Variants in HIVEP2 observed in about 807,000 individuals in gnomAD.
The protein encoded by HIVEP2 is HIVEP zinc finger 2.
In HIVEP2, 14 loss-of-function variants were observed where a neutral mutation model predicts 180.7. That is an observed-to-expected ratio of 0.08 (90% CI 0.05 to 0.12). HIVEP2 has a LOEUF of 0.12. Ranked by LOEUF, HIVEP2 falls within the 10% of genes least tolerant of loss-of-function variation. The probability of loss-of-function intolerance (pLI) is 1.00; values close to 1 mark genes in which losing one functional copy is unlikely to be tolerated. For missense variants in HIVEP2, 2,579 were observed against 3,008.5 expected (o/e 0.86, Z 3.34); for synonymous variants, 1,184 against 1,136.4 (o/e 1.04, Z -0.84).
chr6:142,770,436 G>A lies in HIVEP2; in HGVS notation c.4303C>T (p.Leu1435=). 6.2e-7 allele frequency: 1 copy of A among 1,614,122 alleles called. No individual in the cohort carries two copies. The highest frequency in any genetic ancestry group is 8.5e-7 in the Non-Finnish European group (1 of 1,180,016). Residue 1435 remains leucine (L), a synonymous_variant, in exon 5 of 10, where the codon CTG becomes TTG. Coordinates refer to ENST00000367603, the MANE Select transcript of HIVEP2 (RefSeq NM_006734.4). This position sits in a 1 kb window ranked among gnomAD's most constrained non-coding sequence, Gnocchi z 4.7. ...LPSTSDSVAT[L]GGSKRMLSPA... Reference sequence around the variant, plus strand: ...GAAAGCATTCGCTTGCTACCTCCCAGGGTGGCCACGCTGTCAGAGGTGGAA... The same window carrying A: ...GAAAGCATTCGCTTGCTACCTCCCAAGGTGGCCACGCTGTCAGAGGTGGAA...
Position 142,753,066 on chromosome 6 carries a change from A to T in HIVEP2, c.*41T>A, listed in dbSNP as rs763153791. On this transcript the variant is annotated 3_prime_UTR_variant, in exon 10 of 10. Transcript: ENST00000367603. ...ATTTCTAGAAAAACAAAAACAAAAAAATGGGAAAATGTGGAAATGAAAGTC... is the reference window on the plus strand; with the variant it reads ...ATTTCTAGAAAAACAAAAACAAAAATATGGGAAAATGTGGAAATGAAAGTC... 51 of 1,285,808 alleles carry T rather than the reference A, an allele frequency of 4.0e-5. No individual in the cohort carries two copies. In the African/African-American group the frequency reaches 7.0e-4, roughly 18 times the overall value. The allele number at this position is 1,285,808 out of a possible 1,614,324, so 79.6% of individuals were successfully genotyped here.
chr6:142,762,538 G>C (rs1192260767), intron 7 of HIVEP2, among the ~76,000 whole-genome samples: 1 of 151,388 alleles, frequency 6.6e-6, no homozygotes, highest in Non-Finnish European at 1.5e-5. Flanking sequence ...AAGAGATTCA[G>C]GAACTAATTC....
chr6:142,778,481 G>A (rs1775761078), intron 3 of HIVEP2, among the ~76,000 whole-genome samples: 1 of 152,136 alleles, frequency 6.6e-6, no homozygotes, highest in South Asian at 2.1e-4. Flanking sequence ...TTAGGACTCA[G>A]AGCTTGAAGT....
At chr6:142,790,170 C>A (rs912621604) in intron 2 of HIVEP2, among the ~76,000 whole-genome samples, 1 of 152,112 alleles carries the variant, frequency 6.6e-6, no homozygotes, top group Non-Finnish European at 1.5e-5. Context: ...TGGAGGCAAG[C>A]CCCTTGTTCA....
intron 1 of HIVEP2, among the ~76,000 whole-genome samples, chr6:142,888,547 C>T (rs1192102848): frequency 6.6e-6 from 1 of 152,148 alleles, no homozygotes; most frequent in Non-Finnish European, 1.5e-5. Context: ...TGGGCTTATG[C>T]TCATTGAAGT....
chr6:142,922,102 T>A (rs1261991771), intron 1 of HIVEP2, among the ~76,000 whole-genome samples: 1 of 152,108 alleles, frequency 6.6e-6, no homozygotes, highest in Non-Finnish European at 1.5e-5. Flanking sequence ...TACATCTCTA[T>A]CCCATTTTTC....
intron 1 of HIVEP2, among the ~76,000 whole-genome samples, chr6:142,915,648 GCCAGCCTT>G (rs1246921746): frequency 6.6e-6 from 1 of 152,034 alleles, no homozygotes; most frequent in Non-Finnish European, 1.5e-5. Flanking sequence ...TGGACCTCTA[GCCAGCCTT>G]TCTTAATCTT....
chr6:142,768,445 T>A lies in HIVEP2; in HGVS notation c.5279A>T (p.His1760Leu), dbSNP rs755301449. 1.2e-6 allele frequency: 2 copies of A among 1,613,298 alleles called. No individual in the cohort carries two copies. Among genetic ancestry groups the A allele is most frequent in the Middle Eastern group, 1.7e-4 (1 of 6,058 alleles). ...ILKERGKGDIHGDKDIGSKQT... is the reference protein window; with the variant it reads ...ILKERGKGDILGDKDIGSKQT... ...TTTGGATCCAATATCTTTATCTCCA[T>A]GAATATCTCCTTTCCCTCTTTCCTT... Residue 1760 changes from histidine to leucine, a missense_variant, in exon 6 of 10, where the codon CAT (histidine) becomes CTT (leucine). By Grantham distance (99) the His-to-Leu change is moderately conservative (BLOSUM62 -3). Coordinates refer to ENST00000367603, the MANE Select transcript of HIVEP2 (RefSeq NM_006734.4).
intron 7 of HIVEP2, among the ~76,000 whole-genome samples, chr6:142,764,012 G>A (rs1775320794): frequency 6.6e-6 from 1 of 152,110 alleles, no homozygotes; most frequent in Non-Finnish European, 1.5e-5. Flanking sequence ...TTAAAGTGTT[G>A]AGGGGGTGCC....
chr6:142,892,990 C>T (rs975445171), intron 1 of HIVEP2, among the ~76,000 whole-genome samples: 12 of 152,182 alleles, frequency 7.9e-5, no homozygotes, highest in Non-Finnish European at 1.3e-4. Context: ...GGGTGCAAGC[C>T]CCTTCCAATA....
At chr6:142,818,748 A>AGAAG (rs767225325) in intron 2 of HIVEP2, among the ~76,000 whole-genome samples, 1 of 143,430 alleles carries the variant, frequency 7.0e-6, no homozygotes, top group African/African-American at 2.7e-5. Context: ...AAAGAAAGAA[A>AGAAG]GAAAGAAAGA....
At chr6:142,913,242 A>T (rs1428535847) in intron 1 of HIVEP2, among the ~76,000 whole-genome samples, 1 of 152,208 alleles carries the variant, frequency 6.6e-6, no homozygotes, top group Non-Finnish European at 1.5e-5. Context: ...TTGGGATGCT[A>T]ATGAGAACTT....
chr6:142,770,665 C>T lies in HIVEP2; in HGVS notation c.4074G>A (p.Gly1358=). 6.2e-7 allele frequency: 1 copy of T among 1,614,198 alleles called. No homozygotes were observed. The highest frequency in any genetic ancestry group is 8.5e-7 in the Non-Finnish European group (1 of 1,180,030). Residue 1358 remains glycine, a synonymous_variant, in exon 5 of 10, where the codon GGG becomes GGA. Coordinates refer to ENST00000367603, the MANE Select transcript of HIVEP2 (RefSeq NM_006734.4). The surrounding 1 kb of genome is among the most constrained non-coding windows in gnomAD (Gnocchi z 4.7). ...ATATGACAATGGCAGGGCTATTCTGCCCAAGTATCTGAGAAATGCTTGTGT... is the reference window on the plus strand; with the variant it reads ...ATATGACAATGGCAGGGCTATTCTGTCCAAGTATCTGAGAAATGCTTGTGT... The part of the protein sequence containing the change: ...VMYTSISQIL[G]QNSPAIVICK...
chr6:142,874,877 C>T (rs1222803998), intron 1 of HIVEP2, among the ~76,000 whole-genome samples: 1 of 152,066 alleles, frequency 6.6e-6, no homozygotes, highest in African/African-American at 2.4e-5. Context: ...CTTTGGTTTA[C>T]AGATAAGGAA....
chr6:142,903,718 T>C (rs1292111063), intron 1 of HIVEP2, among the ~76,000 whole-genome samples: 2 of 152,104 alleles, frequency 1.3e-5, no homozygotes, highest in African/African-American at 4.8e-5. Context: ...AAAGGTGAAA[T>C]CACCACTATG....
rs748363147 is a variant in HIVEP2, at chr6:142,771,164, T to G, written c.3575A>C (p.His1192Pro). Residue 1192 changes from histidine (H) to proline (P), a missense_variant, in exon 5 of 10, where the codon CAT becomes CCT. This residue lies in a region of HIVEP2 where 523 missense variants were observed against 577.0 expected (regional missense o/e 0.91). Coordinates refer to ENST00000367603, the MANE Select transcript of HIVEP2 (RefSeq NM_006734.4). The surrounding 1 kb of genome is among the most constrained non-coding windows in gnomAD (Gnocchi z 5.4). The stretch of plus-strand genomic sequence containing the variant: ...TGGAGAAAATGGAATTGTCTCTTGA[T>G]GTGGAAATAAGTGTGGCTGTTCAGG... ...HLPEQPHLFP[H>P]QETIPFSPIQ... is the part of the protein sequence containing the mutation. The G allele has an allele frequency of 1.1e-4, 178 of 1,614,078 alleles. No individual in the cohort carries two copies. Among genetic ancestry groups the G allele is most frequent in the Non-Finnish European group, 1.4e-4 (168 of 1,180,042 alleles).
chr6:142,770,395 C>G lies in HIVEP2; in HGVS notation c.4344G>C (p.Leu1448Phe). 1 of 1,614,122 alleles carries G rather than the reference C, an allele frequency of 6.2e-7. No individual in the cohort carries two copies. The highest frequency in any genetic ancestry group is 8.5e-7 in the Non-Finnish European group (1 of 1,180,026). The change falls in exon 5 of 10, where the codon TTG becomes TTC. Residue 1448 changes from leucine (L) to phenylalanine (F), a missense_variant. Physicochemically the swap from Leu to Phe is conservative, Grantham distance 22. Coordinates refer to ENST00000367603, the MANE Select transcript of HIVEP2 (RefSeq NM_006734.4). This position sits in a 1 kb window ranked among gnomAD's most constrained non-coding sequence, Gnocchi z 4.7. ...GCTGCTTGGTTTCCATGAAGAGCTC[C>G]AAGCTACTGGCTGGAGAAAGCATTC... ...SKRMLSPASSLELFMETKQQK... is the reference protein window; with the variant it reads ...SKRMLSPASSFELFMETKQQK...
intron 1 of HIVEP2, among the ~76,000 whole-genome samples, chr6:142,877,933 C>G (rs1421072622): frequency 6.6e-6 from 1 of 152,044 alleles, no homozygotes; most frequent in East Asian, 1.9e-4. Flanking sequence ...AATGCAAAGG[C>G]AAAATTTCCA....
chr6:142,939,384 T>A (rs568481231), intron 1 of HIVEP2, among the ~76,000 whole-genome samples: 1 of 151,926 alleles, frequency 6.6e-6, no homozygotes, highest in Non-Finnish European at 1.5e-5. Context: ...CTTTATAGCA[T>A]CACCTCTCTG....
Sources: gnomAD v4.1 joint callset for allele counts (sites outside exome capture counted in the v4.1 genomes callset) on GRCh38, gnomAD v4.1.1 for gene constraint, gnomAD v4.1.1 regional missense constraint, Gnocchi (gnomAD v3.1) non-coding constraint, MANE v1.5 for transcripts, NCBI Gene and HGNC (gene_info 2026-07-23, HGNC 2026-07-21) for gene names.